MFSD6: variants seen among roughly 807,000 people sequenced by gnomAD.
MFSD6 encodes the protein major facilitator superfamily domain containing 6.
MFSD6 carries 26 observed loss-of-function variants against 56.3 expected under a neutral mutation model. The ratio of observed to expected loss-of-function variants is 0.46; its 90% CI spans 0.34 to 0.64. MFSD6 has a LOEUF of 0.64. Among genes scored for constraint, MFSD6 ranks in the 30% least tolerant of loss-of-function variants. The probability of loss-of-function intolerance (pLI) is 0.01; values close to 1 mark genes in which losing one functional copy is unlikely to be tolerated. For missense variants in MFSD6, 750 were observed against 986.2 expected (o/e 0.76, Z 3.21); for synonymous variants, 331 against 366.9 (o/e 0.90, Z 1.12).
rs145271647 is a variant in MFSD6 at position 190,499,200 on chromosome 2, G to A, written c.2173-815G>A. ...TAAATAAAATGTTTCTGGTATGTTA[G>A]GATTAATAAAAACTGGCAGGTATGC... On this transcript the variant is annotated intron_variant, in intron 7 of 7. Transcript: ENST00000392328. The surrounding 1 kb of genome is among the most constrained non-coding windows in gnomAD (Gnocchi z 6.0). 6.6e-6 allele frequency among the ~76,000 whole-genome samples: 1 copy of A among 152,172 alleles called. No homozygotes were observed. Among genetic ancestry groups the A allele is most frequent in the African/African-American group, 2.4e-5 (1 of 41,520 alleles).
intron 3 of MFSD6, among the ~76,000 whole-genome samples, chr2:190,440,021 G>A (rs903560432): frequency 1.3e-5 from 2 of 152,198 alleles, no homozygotes; most frequent in African/African-American, 2.4e-5. Context: ...TCTGAATTAT[G>A]AGCCTTGATG....
chr2:190,487,370 T>C lies in MFSD6; in HGVS notation c.1631-1287T>C, dbSNP rs796849756. Among the ~76,000 whole-genome samples the C allele has an allele frequency of 6.6e-6, 1 of 152,138 alleles. No homozygotes were observed. The highest frequency in any genetic ancestry group is 2.1e-4 in the South Asian group (1 of 4,826). On this transcript the variant is annotated intron_variant, in intron 4 of 7. Coordinates refer to ENST00000392328, the MANE Select transcript of MFSD6 (RefSeq NM_017694.4). The surrounding 1 kb of genome is among the most constrained non-coding windows in gnomAD (Gnocchi z 5.5). ...AAACAAAACAAAACATAAAAATTGT[T>C]ATATCCTTTGAATCATTAACCCCAC...
rs1486204383 is a variant in MFSD6, at chr2:190,424,623, T to C, written c.-54+9210T>C. On this transcript the variant is annotated intron_variant, in intron 2 of 7. Transcript: ENST00000392328. This position sits in a 1 kb window ranked among gnomAD's most constrained non-coding sequence, Gnocchi z 5.9. ...TGCTGGGATTACAGGCGTGAGCCAC[T>C]GCGCCTGGCCGAGTTTCATTATTTT... is the stretch of plus-strand genomic sequence containing the variant. Among the ~76,000 whole-genome samples the C allele has an allele frequency of 6.6e-6, 1 of 152,210 alleles. No individual in the cohort carries two copies. Among genetic ancestry groups the C allele is most frequent in the Non-Finnish European group, 1.5e-5 (1 of 68,036 alleles).
At position 190,488,167 on chromosome 2, in the gene MFSD6, C is replaced by T. The variant is rs2125233627; in HGVS notation, c.1631-490C>T. Reference sequence around the variant, plus strand: ...CCACCCGCCTCGGCCTCCCAAAGTGCTGGGATTACAGGCGTGAGCCACTGC... The same window carrying T: ...CCACCCGCCTCGGCCTCCCAAAGTGTTGGGATTACAGGCGTGAGCCACTGC... On this transcript the variant is annotated intron_variant, in intron 4 of 7. Transcript: ENST00000392328. This position sits in a 1 kb window ranked among gnomAD's most constrained non-coding sequence, Gnocchi z 6.4. Among the ~76,000 whole-genome samples, 1 of 152,346 alleles carries T rather than the reference C, an allele frequency of 6.6e-6. No individual in the cohort carries two copies.
chr2:190,425,676 G>A lies in MFSD6; in HGVS notation c.-54+10263G>A, dbSNP rs1033462860. On this transcript the variant is annotated intron_variant, in intron 2 of 7. Coordinates refer to ENST00000392328, the MANE Select transcript of MFSD6 (RefSeq NM_017694.4). The surrounding 1 kb of genome is among the most constrained non-coding windows in gnomAD (Gnocchi z 4.3). ...TGACTGACTTTGAAATATTGCATCA[G>A]CCTTGTATTTTTGGAATCAACCACA... Among the ~76,000 whole-genome samples the A allele has an allele frequency of 6.6e-6, 1 of 152,062 alleles. No individual in the cohort carries two copies. The highest frequency in any genetic ancestry group is 2.4e-5 in the African/African-American group (1 of 41,414).
rs891574147 is a variant in MFSD6 at position 190,451,129 on chromosome 2, C to T, written c.1532+13568C>T. On this transcript the variant is annotated intron_variant, in intron 3 of 7. Transcript: ENST00000392328. The surrounding 1 kb of genome is among the most constrained non-coding windows in gnomAD (Gnocchi z 5.0). ...CTGTTTTCTTTTTTCCTTCTTTTTG[C>T]CAATTTGCCTATAAAAAGTGTATGT... Among the ~76,000 whole-genome samples, 1 of 152,106 alleles carries T rather than the reference C, an allele frequency of 6.6e-6. No individual in the cohort carries two copies. Among genetic ancestry groups the T allele is most frequent in the African/African-American group, 2.4e-5 (1 of 41,410 alleles).
rs372301173 is a variant in MFSD6 at position 190,430,457 on chromosome 2, AC to A, written c.-53-5518del. Among the ~76,000 whole-genome samples the A allele has an allele frequency of 6.1e-4, 92 of 151,526 alleles. 1 individual carries two copies. The East Asian group carries it at 0.013, about 22-fold the overall frequency. ...ATCTGTTTAACAAAGCACATCTTGC[AC>A]CGCCCTTAATCCATTTAACCCTGAG... On this transcript the variant is annotated intron_variant, in intron 2 of 7. Coordinates refer to ENST00000392328, the MANE Select transcript of MFSD6 (RefSeq NM_017694.4).
In MFSD6 at chr2:190,497,801, C is replaced by T. The variant is rs1311997044; in HGVS notation, c.2172+82C>T. ...GGCTCAGTTTTAATTACTCACTTTTCATTCAACAAGATTTATTGAAAGTCT... is the reference window on the plus strand; with the variant it reads ...GGCTCAGTTTTAATTACTCACTTTTTATTCAACAAGATTTATTGAAAGTCT... On this transcript the variant is annotated intron_variant, in intron 7 of 7. Transcript: ENST00000392328. This position sits in a 1 kb window ranked among gnomAD's most constrained non-coding sequence, Gnocchi z 5.2. 2 of 1,441,630 alleles carry T rather than the reference C, an allele frequency of 1.4e-6. No individual in the cohort carries two copies. The highest frequency in any genetic ancestry group is 2.0e-5 in the Admixed American group (1 of 48,828). The allele number at this position is 1,441,630 out of a possible 1,614,324, so 89.3% of individuals were successfully genotyped here. A position where few individuals can be genotyped will look rare whatever the true frequency, so the allele number is the denominator to read the frequency against.
In MFSD6 at chr2:190,433,991, G is replaced by A. The variant is rs1686090630; in HGVS notation, c.-53-1986G>A. On this transcript the variant is annotated intron_variant, in intron 2 of 7. Transcript: ENST00000392328. The surrounding 1 kb of genome is among the most constrained non-coding windows in gnomAD (Gnocchi z 4.5). ...GGATCACTTGAGCCCAGGAGTTGGAGAACGGCCTGGGCAACATGGCAAAAA... is the reference window on the plus strand; with the variant it reads ...GGATCACTTGAGCCCAGGAGTTGGAAAACGGCCTGGGCAACATGGCAAAAA... 6.6e-6 allele frequency among the ~76,000 whole-genome samples: 1 copy of A among 152,032 alleles called. No individual in the cohort carries two copies. Among genetic ancestry groups the A allele is most frequent in the Admixed American group, 6.6e-5 (1 of 15,258 alleles).
rs183984253 is a variant in MFSD6, at chr2:190,470,011, G to A, written c.1630+156G>A. Reference sequence around the variant, plus strand: ...TGTTAAGGAAGAGATGACATCAGGAGGGATGGTTCCTTGGTTACCTGAGTG... The same window carrying A: ...TGTTAAGGAAGAGATGACATCAGGAAGGATGGTTCCTTGGTTACCTGAGTG... On this transcript the variant is annotated intron_variant, in intron 4 of 7. Coordinates refer to ENST00000392328, the MANE Select transcript of MFSD6 (RefSeq NM_017694.4). Among the ~76,000 whole-genome samples the A allele has an allele frequency of 7.2e-5, 11 of 152,256 alleles. No homozygotes were observed. In the East Asian group the frequency reaches 2.1e-3, roughly 29 times the overall value.
rs1218959662 is a variant in MFSD6, at chr2:190,471,916, AAT to A, written c.1630+2064_1630+2065del. On this transcript the variant is annotated intron_variant, in intron 4 of 7. Coordinates refer to ENST00000392328, the MANE Select transcript of MFSD6 (RefSeq NM_017694.4). The surrounding 1 kb of genome is among the most constrained non-coding windows in gnomAD (Gnocchi z 4.7). Reference sequence around the variant, plus strand: ...ACTTCCAGAGGAACGATCAGGCAGCAATATTTGCTGTTCACCAATATCCGCTG... The same window carrying A: ...ACTTCCAGAGGAACGATCAGGCAGCAATTTGCTGTTCACCAATATCCGCTG... Among the ~76,000 whole-genome samples the A allele has an allele frequency of 6.6e-6, 1 of 152,192 alleles. No homozygotes were observed. Among genetic ancestry groups the A allele is most frequent in the Non-Finnish European group, 1.5e-5 (1 of 68,034 alleles).
rs529226912 is a variant in MFSD6 at position 190,409,517 on chromosome 2, A to C, written c.-176+1014A>C. Among the ~76,000 whole-genome samples, 3 of 152,272 alleles carry C rather than the reference A, an allele frequency of 2.0e-5. No homozygotes were observed. The South Asian group carries it at 6.2e-4, about 32-fold the overall frequency. ...GGCATGTCACATCTTCCTGAGCCCC[A>C]GTTTTCTCACATGGAAAAGAGGATG... is the stretch of plus-strand genomic sequence containing the variant. On this transcript the variant is annotated intron_variant, in intron 1 of 7. Coordinates refer to ENST00000392328, the MANE Select transcript of MFSD6 (RefSeq NM_017694.4).
Position 190,418,014 on chromosome 2 carries a change from G to A in MFSD6, c.-54+2601G>A, listed in dbSNP as rs1259551169. On this transcript the variant is annotated intron_variant, in intron 2 of 7. Transcript: ENST00000392328. This position sits in a 1 kb window ranked among gnomAD's most constrained non-coding sequence, Gnocchi z 4.1. ...TGTGTGTGTGTGTATGTGAGAGAGAGAGAGATGTGGTTTATCATTGCTTGT... is the reference window on the plus strand; with the variant it reads ...TGTGTGTGTGTGTATGTGAGAGAGAAAGAGATGTGGTTTATCATTGCTTGT... Among the ~76,000 whole-genome samples, 1 of 150,900 alleles carries A rather than the reference G, an allele frequency of 6.6e-6. No homozygotes were observed. Among genetic ancestry groups the A allele is most frequent in the Non-Finnish European group, 1.5e-5 (1 of 67,854 alleles).
Position 190,410,208 on chromosome 2 carries a change from C to A in MFSD6, c.-176+1705C>A, listed in dbSNP as rs893154780. ...CAGTATTAAGGCATTTTTTTGGGTA[C>A]TTATTATGTTCAAGACACCATTGTA... is the stretch of plus-strand genomic sequence containing the variant. On this transcript the variant is annotated intron_variant, in intron 1 of 7. Coordinates refer to ENST00000392328, the MANE Select transcript of MFSD6 (RefSeq NM_017694.4). The surrounding 1 kb of genome is among the most constrained non-coding windows in gnomAD (Gnocchi z 4.4). Among the ~76,000 whole-genome samples, 10 of 152,212 alleles carry A rather than the reference C, an allele frequency of 6.6e-5. No individual in the cohort carries two copies. Among genetic ancestry groups the A allele is most frequent in the African/African-American group, 2.4e-4 (10 of 41,530 alleles).
intron 2 of MFSD6, among the ~76,000 whole-genome samples, chr2:190,430,191 C>A (rs184507998): frequency 1.1e-4 from 16 of 149,520 alleles, no homozygotes; most frequent in African/African-American, 3.7e-4. Flanking sequence ...CTTTTTATGG[C>A]TGCATAGTCC....
Position 190,497,859 on chromosome 2 carries a change from T to C in MFSD6, c.2172+140T>C. ...GAAATAGACATGCAAACAATTTCAG[T>C]ACTCTGTGAGCACTGAGTTAAAGAG... On this transcript the variant is annotated intron_variant, in intron 7 of 7. Transcript: ENST00000392328. The surrounding 1 kb of genome is among the most constrained non-coding windows in gnomAD (Gnocchi z 5.2). 1 of 993,714 alleles carries C rather than the reference T, an allele frequency of 1.0e-6. No individual in the cohort carries two copies. Among genetic ancestry groups the C allele is most frequent in the Non-Finnish European group, 1.5e-6 (1 of 684,808 alleles). 61.6% of individuals were successfully genotyped at this position (993,714 alleles called of 1,614,324 possible).
At position 190,415,091 on chromosome 2, in the gene MFSD6, T is replaced by A. The variant is rs1690722094; in HGVS notation, c.-175-201T>A. On this transcript the variant is annotated intron_variant, in intron 1 of 7. Coordinates refer to ENST00000392328, the MANE Select transcript of MFSD6 (RefSeq NM_017694.4). This position sits in a 1 kb window ranked among gnomAD's most constrained non-coding sequence, Gnocchi z 4.5. ...TATTGATCACTTACTTTGTTTCAGTTGTGATTGTTGTGAAAAGTGTTGCAA... is the reference window on the plus strand; with the variant it reads ...TATTGATCACTTACTTTGTTTCAGTAGTGATTGTTGTGAAAAGTGTTGCAA... Among the ~76,000 whole-genome samples, 2 of 152,234 alleles carry A rather than the reference T, an allele frequency of 1.3e-5. No homozygotes were observed. Among genetic ancestry groups the A allele is most frequent in the African/African-American group, 4.8e-5 (2 of 41,452 alleles).
chr2:190,498,435 A>T lies in MFSD6; in HGVS notation c.2172+716A>T, dbSNP rs559110617. 6.6e-6 allele frequency among the ~76,000 whole-genome samples: 1 copy of T among 152,318 alleles called. No individual in the cohort carries two copies. Among genetic ancestry groups the T allele is most frequent in the East Asian group, 1.9e-4 (1 of 5,188 alleles). On this transcript the variant is annotated intron_variant, in intron 7 of 7. Coordinates refer to ENST00000392328, the MANE Select transcript of MFSD6 (RefSeq NM_017694.4). The surrounding 1 kb of genome is among the most constrained non-coding windows in gnomAD (Gnocchi z 5.9). ...AGCTTCAGAGGACACATAAAAATAA[A>T]GGGGAAAGATTTAAAAATAAGGGTC...
chr2:190,477,301 T>TAGGA (rs1293647983), intron 4 of MFSD6: 1 of 984,720 alleles, frequency 1.0e-6, no homozygotes, highest in African/African-American at 1.7e-5. Context: ...CCACCTCTGG[T>TAGGA]TCCTGTTCTA....
Sources: gnomAD v4.1 joint callset for allele counts (sites outside exome capture counted in the v4.1 genomes callset) on GRCh38, gnomAD v4.1.1 for gene constraint, Gnocchi (gnomAD v3.1) non-coding constraint, MANE v1.5 for transcripts, NCBI Gene and HGNC (gene_info 2026-07-23, HGNC 2026-07-21) for gene names.